Variants in NBEA observed in about 807,000 individuals in gnomAD.
NBEA encodes the protein neurobeachin.
A neutral mutation model predicts 343.4 loss-of-function variants in NBEA; 44 were observed. The ratio of observed to expected loss-of-function variants is 0.13; its 90% CI spans 0.10 to 0.16. NBEA has a LOEUF of 0.16. NBEA is among the 10% of genes least tolerant of loss of function. The probability of loss-of-function intolerance (pLI) is 1.00; values close to 1 mark genes in which losing one functional copy is unlikely to be tolerated. For synonymous variants in NBEA, 1,175 were observed against 1,238.7 expected (o/e 0.95, Z 1.08); for missense variants, 2,555 against 3,631.3 (o/e 0.70, Z 7.62).
intron 48 of NBEA, among the ~76,000 whole-genome samples, chr13:35,617,724 C>G (rs2082799622): frequency 6.6e-6 from 1 of 152,126 alleles, no homozygotes; most frequent in Non-Finnish European, 1.5e-5. Context: ...TTCATAGTTT[C>G]TGTTGCTCCA....
At chr13:35,480,719 G>T (rs1675339733) in intron 41 of NBEA, among the ~76,000 whole-genome samples, 1 of 151,508 alleles carries the variant, frequency 6.6e-6, no homozygotes, top group Non-Finnish European at 1.5e-5. Flanking sequence ...GTTTCATTCT[G>T]CCAGACACAA....
At chr13:35,328,964 A>G (rs1054536328) in intron 36 of NBEA, among the ~76,000 whole-genome samples, 12 of 151,990 alleles carry the variant, frequency 7.9e-5, no homozygotes, top group Admixed American at 7.9e-4. Context: ...AGACAGATCA[A>G]CGGAAGGAAA....
rs148300325 is a variant in NBEA, at chr13:35,268,472, G to A, written c.5777-21917G>A. Among the ~76,000 whole-genome samples the A allele has an allele frequency of 2.7e-4, 41 of 152,118 alleles. No individual in the cohort carries two copies. In the East Asian group the frequency reaches 7.9e-3, roughly 29 times the overall value. On this transcript the variant is annotated intron_variant, in intron 34 of 58. Coordinates refer to ENST00000379939, the MANE Select transcript of NBEA (RefSeq NM_001385012.1). Reference sequence around the variant, plus strand: ...TGACTGAACTTAATACCTCTGCCTTGTACACTTAAACATGATTAATATGGT... The same window carrying A: ...TGACTGAACTTAATACCTCTGCCTTATACACTTAAACATGATTAATATGGT...
chr13:35,352,449 A>G, intron 38 of NBEA, 126 bp downstream of exon 38: 1 of 559,616 alleles, frequency 1.8e-6, no homozygotes. Flanking sequence ...AAATTACTTG[A>G]AAATTTTCCT....
chr13:35,422,255 G>A (rs1485744676), intron 38 of NBEA, among the ~76,000 whole-genome samples: 5 of 150,728 alleles, frequency 3.3e-5, no homozygotes, highest in African/African-American at 7.3e-5. Flanking sequence ...CCATTAACTC[G>A]TCATTTAGCA....
At chr13:35,091,807 T>C (rs73167757) in intron 10 of NBEA, among the ~76,000 whole-genome samples, 3,025 of 152,112 alleles carry the variant, frequency 0.02, 44 homozygotes, top group Middle Eastern at 0.034. Context: ...TGAATAAGTT[T>C]AGGGCTATAT....
At chr13:35,032,407 T>C (rs1277587516) in intron 1 of NBEA, among the ~76,000 whole-genome samples, 4 of 151,934 alleles carry the variant, frequency 2.6e-5, no homozygotes, top group African/African-American at 4.8e-5. Flanking sequence ...TCAGTTTTAT[T>C]GAGCTTTTTA....
chr13:35,564,885 TC>T (rs1175314382), intron 44 of NBEA, among the ~76,000 whole-genome samples: 1 of 152,216 alleles, frequency 6.6e-6, no homozygotes, highest in Non-Finnish European at 1.5e-5. Context: ...GAAATTTGGG[TC>T]ATTTTATTCC....
intron 48 of NBEA, among the ~76,000 whole-genome samples, chr13:35,619,209 G>C (rs146653816): frequency 8.2e-4 from 125 of 152,026 alleles, no homozygotes; most frequent in Non-Finnish European, 1.6e-3. Context: ...AAAATATCAA[G>C]ATAGACATCT....
chr13:35,354,903 G>T (rs1417939163), intron 38 of NBEA, among the ~76,000 whole-genome samples: 3 of 152,078 alleles, frequency 2.0e-5, no homozygotes, highest in African/African-American at 4.8e-5. Context: ...TAATTGATTA[G>T]CTGATAGTCA....
At chr13:35,506,444 G>T (rs1172094580) in intron 41 of NBEA, among the ~76,000 whole-genome samples, 2 of 151,978 alleles carry the variant, frequency 1.3e-5, no homozygotes, top group Admixed American at 6.6e-5. Context: ...TTTTTTTTAG[G>T]TTTATAAGTC....
rs116968411 is a variant in NBEA at position 35,483,580 on chromosome 13, G to C, written c.6585+11044G>C. Among the ~76,000 whole-genome samples, 416 of 151,998 alleles carry C rather than the reference G, an allele frequency of 2.7e-3. 11 individuals are homozygous for C. In the East Asian group the frequency reaches 0.074, roughly 27 times the overall value. On this transcript the variant is annotated intron_variant, in intron 41 of 58. Transcript: ENST00000379939. ...TAAACCAAGAATTATTAAATTATAG[G>C]AGTGAAGACATTGATAATGATGCTC...
chr13:35,069,802 A>C (rs974980818), intron 8 of NBEA, 106 bp from the exon 9 acceptor site: 2 of 682,808 alleles, frequency 2.9e-6, no homozygotes, highest in African/African-American at 3.7e-5. Context: ...CTGACACATG[A>C]AAGGTACACA....
intron 48 of NBEA, among the ~76,000 whole-genome samples, chr13:35,621,004 A>G (rs1290919690): frequency 6.6e-6 from 1 of 152,170 alleles, no homozygotes; most frequent in Non-Finnish European, 1.5e-5. Flanking sequence ...CCTGTTGTCA[A>G]CTTGGCCCTT....
At chr13:35,295,782 ATTAC>A (rs1378036850) in intron 35 of NBEA, among the ~76,000 whole-genome samples, 2 of 152,188 alleles carry the variant, frequency 1.3e-5, no homozygotes, top group African/African-American at 4.8e-5. Context: ...TATATGTTCA[ATTAC>A]TTACAGCATT....
At chr13:35,620,808 A>G (rs938603570) in intron 48 of NBEA, among the ~76,000 whole-genome samples, 4 of 152,118 alleles carry the variant, frequency 2.6e-5, no homozygotes, top group Non-Finnish European at 4.4e-5. Context: ...ATTTGAGCCT[A>G]TAGTCTCCCT....
chr13:35,317,747 T>A (rs2037843230), intron 36 of NBEA, among the ~76,000 whole-genome samples: 1 of 152,196 alleles, frequency 6.6e-6, no homozygotes, highest in African/African-American at 2.4e-5. Context: ...GCATGGAGTG[T>A]CTTTCCATTT....
chr13:34,989,986 A>C (rs946053125), intron 1 of NBEA, among the ~76,000 whole-genome samples: 1 of 151,078 alleles, frequency 6.6e-6, no homozygotes, highest in East Asian at 1.9e-4. Flanking sequence ...CTCCAAAATA[A>C]TTTTCTTTGA....
intron 48 of NBEA, among the ~76,000 whole-genome samples, chr13:35,624,513 G>A (rs2153063104): frequency 6.6e-6 from 1 of 152,032 alleles, no homozygotes; most frequent in East Asian, 1.9e-4. Flanking sequence ...TAAATTGATT[G>A]GCATTCCAAT....
Sources: gnomAD v4.1 joint callset for allele counts (sites outside exome capture counted in the v4.1 genomes callset) on GRCh38, gnomAD v4.1.1 for gene constraint, MANE v1.5 for transcripts, NCBI Gene and HGNC (gene_info 2026-07-23, HGNC 2026-07-21) for gene names.